SCN4A: variants seen among roughly 807,000 people sequenced by gnomAD.
SCN4A encodes sodium voltage-gated channel alpha subunit 4, also known as sodium channel protein type 4 subunit alpha.
Under a neutral mutation model 162.0 loss-of-function variants are expected in SCN4A, and 83 were observed. That is an observed-to-expected ratio of 0.51 (90% CI 0.43 to 0.61). The LOEUF (loss-of-function observed/expected upper bound fraction) is 0.61. Among genes scored for constraint, SCN4A ranks in the 20% least tolerant of loss-of-function variants. The pLI is 0.00. For missense variants in SCN4A, 2,196 were observed against 2,462.5 expected (o/e 0.89, Z 2.29); for synonymous variants, 944 against 985.1 (o/e 0.96, Z 0.78).
intron 10 of SCN4A, among the ~76,000 whole-genome samples, chr17:63,962,469 T>A (rs73326360): frequency 6.6e-6 from 1 of 152,084 alleles, no homozygotes; most frequent in Non-Finnish European, 1.5e-5. Flanking sequence ...TTTGGCTGTG[T>A]GGAAATATGG....
chr17:63,951,862 GA>G lies in SCN4A; in HGVS notation c.2414del (p.Phe805SerfsTer15). On this transcript the variant is annotated frameshift_variant, in exon 14 of 24. Coordinates refer to ENST00000435607, the MANE Select transcript of SCN4A (RefSeq NM_000334.4). LOFTEE classifies it high-confidence loss of function. The surrounding 1 kb of genome is among the most constrained non-coding windows in gnomAD (Gnocchi z 4.5). ...CCGAGGCTGCCAGACTGTCGGCGCT[GA>G]AGGAGCTCAGCAGCAGAGCCAGGAA... is the stretch of plus-strand genomic sequence containing the variant. Reference protein sequence around the residue: ...NLFLALLLSSFSADSLAASDE... With the variant: ...NLFLALLLSSXSADSLAASDE... The G allele has an allele frequency of 6.4e-7, 1 of 1,555,180 alleles. No homozygotes were observed. Among genetic ancestry groups the G allele is most frequent in the Non-Finnish European group, 8.7e-7 (1 of 1,154,086 alleles).
Position 63,948,036 on chromosome 17 carries a change from G to T in SCN4A, c.3172C>A (p.Arg1058=), listed in dbSNP as rs764018183. The change falls in exon 17 of 24, where the codon CGG becomes AGG. Residue 1058 remains arginine (R), a synonymous_variant. Transcript: ENST00000435607. Reference sequence around the variant, plus strand: ...TCTAGGATGGTGCGAATGACTCGCCGCTGCTCAATGTAGATGTCCTCGAAG... The same window carrying T: ...TCTAGGATGGTGCGAATGACTCGCCTCTGCTCAATGTAGATGTCCTCGAAG... The part of the protein sequence containing the change: ...LAFEDIYIEQ[R]RVIRTILEYA... 6.2e-7 allele frequency: 1 copy of T among 1,610,932 alleles called. No individual in the cohort carries two copies.
At chr17:63,959,102 G>A (rs1909163112) in intron 12 of SCN4A, among the ~76,000 whole-genome samples, 163 bp downstream of exon 12, 1 of 152,164 alleles carries the variant, frequency 6.6e-6, no homozygotes, top group Admixed American at 6.5e-5. Context: ...CTGTTTTACA[G>A]GTAAGAAAGG....
intron 12 of SCN4A, among the ~76,000 whole-genome samples, chr17:63,958,832 C>T (rs183481455): frequency 2.6e-5 from 4 of 152,326 alleles, no homozygotes; most frequent in Admixed American, 2.6e-4. Context: ...GGATTACAGG[C>T]GTGAGCCACC....
intron 21 of SCN4A, 60 bp from the exon 22 acceptor site, chr17:63,943,910 A>C (rs748339281): frequency 9.2e-7 from 1 of 1,090,666 alleles, no homozygotes; most frequent in Non-Finnish European, 1.4e-6. Context: ...CTCCAGGACC[A>C]CCCCCACCTC....
At chr17:63,943,579 A>C (rs1030932777) in intron 22 of SCN4A, among the ~76,000 whole-genome samples, 167 bp downstream of exon 22, 3 of 151,996 alleles carry the variant, frequency 2.0e-5, no homozygotes, top group Non-Finnish European at 2.9e-5. Context: ...CACTACAAAG[A>C]GGCGTCCCTC....
rs376049044 is a variant in SCN4A, at chr17:63,969,651, C to CTT, written c.704-1298_704-1297dup. Among the ~76,000 whole-genome samples the CTT allele has an allele frequency of 2.6e-3, 391 of 150,274 alleles. 4 individuals carry two copies. The highest frequency in any genetic ancestry group is 8.9e-3 in the African/African-American group (361 of 40,758). ...TTCTTACTTTCTTTTCTTTTCTTTT[C>CTT]TTTTTTTTTTGAGATAGAGTCTCGC... On this transcript the variant is annotated intron_variant, in intron 5 of 23. Transcript: ENST00000435607.
intron 13 of SCN4A, among the ~76,000 whole-genome samples, chr17:63,955,648 A>G (rs1240743209): frequency 6.6e-6 from 1 of 152,156 alleles, no homozygotes; most frequent in Non-Finnish European, 1.5e-5. Context: ...CCAAGTCCTT[A>G]GACTTACATC....
Position 63,951,503 on chromosome 17 carries a change from G to A in SCN4A, c.2774C>T (p.Pro925Leu). The A allele has an allele frequency of 6.2e-7, 1 of 1,613,876 alleles. No individual in the cohort carries two copies. The highest frequency in any genetic ancestry group is 8.5e-7 in the Non-Finnish European group (1 of 1,179,792). ...INNPYLTIQVPIASEESDLEM... is the reference protein window; with the variant it reads ...INNPYLTIQVLIASEESDLEM... Reference sequence around the variant, plus strand: ...CAGGTCGGACTCCTCGGAGGCGATGGGCACCTGTATGGTCAGGTAGGGGTT... The same window carrying A: ...CAGGTCGGACTCCTCGGAGGCGATGAGCACCTGTATGGTCAGGTAGGGGTT... The change falls in exon 14 of 24, where the codon CCC (proline) becomes CTC (leucine). Residue 925 changes from proline (P) to leucine (L), a missense_variant. By Grantham distance (98) the Pro-to-Leu change is moderately conservative. Transcript: ENST00000435607. The surrounding 1 kb of genome is among the most constrained non-coding windows in gnomAD (Gnocchi z 4.5).
intron 23 of SCN4A, 21 bp downstream of exon 23, chr17:63,942,805 G>T (rs772939398): frequency 1.2e-5 from 19 of 1,607,678 alleles, no homozygotes; most frequent in Non-Finnish European, 1.6e-5. Flanking sequence ...CTGCCCTGCC[G>T]GTCCAGCCCG....
rs991479196 is a variant in SCN4A at position 63,951,855 on chromosome 17, C to T, written c.2422G>A (p.Asp808Asn). 1.5e-5 allele frequency: 23 copies of T among 1,559,996 alleles called. No individual in the cohort carries two copies. Among genetic ancestry groups the T allele is most frequent in the African/African-American group, 2.7e-5 (2 of 73,932 alleles). The change falls in exon 14 of 24, where the codon GAC becomes AAC. Residue 808 changes from aspartate (D) to asparagine (N), a missense_variant. By Grantham distance (23) the Asp-to-Asn change is conservative. Coordinates refer to ENST00000435607, the MANE Select transcript of SCN4A (RefSeq NM_000334.4). The surrounding 1 kb of genome is among the most constrained non-coding windows in gnomAD (Gnocchi z 4.5). Reference sequence around the variant, plus strand: ...TCCTCATCCGAGGCTGCCAGACTGTCGGCGCTGAAGGAGCTCAGCAGCAGA... The same window carrying T: ...TCCTCATCCGAGGCTGCCAGACTGTTGGCGCTGAAGGAGCTCAGCAGCAGA... Reference protein sequence around the residue: ...LALLLSSFSADSLAASDEDGE... With the variant: ...LALLLSSFSANSLAASDEDGE...
Position 63,945,323 on chromosome 17 carries a change from A to C in SCN4A, c.3720+37T>G. 1 of 1,579,956 alleles carries C rather than the reference A, an allele frequency of 6.3e-7. No individual in the cohort carries two copies. The highest frequency in any genetic ancestry group is 8.7e-7 in the Non-Finnish European group (1 of 1,155,054). On this transcript the variant is annotated intron_variant, in intron 19 of 23. Transcript: ENST00000435607. The surrounding 1 kb of genome is among the most constrained non-coding windows in gnomAD (Gnocchi z 4.4). The stretch of plus-strand genomic sequence containing the variant: ...GAGGACCGGGGTGGGGGGCACCTCC[A>C]TCCAGGTTCCCGGCAGGGGTGGTGG...
Position 63,938,567 on chromosome 17 carries a change from G to C in SCN4A, c.*2204C>G, listed in dbSNP as rs1357368349. ...AGAAGCCACATACCAGAGGCACCAA[G>C]GAGGGTTTATTGTAAGAACTGTACA... On this transcript the variant is annotated 3_prime_UTR_variant, in exon 24 of 24. Coordinates refer to ENST00000435607, the MANE Select transcript of SCN4A (RefSeq NM_000334.4). 3.3e-5 allele frequency: 5 copies of C among 152,568 alleles called. No individual in the cohort carries two copies. The highest frequency in any genetic ancestry group is 9.6e-5 in the African/African-American group (4 of 41,482). The allele number at this position is 152,568 out of a possible 1,614,324, so 9.5% of individuals were successfully genotyped here. A position where few individuals can be genotyped will look rare whatever the true frequency, so the allele number is the denominator to read the frequency against.
chr17:63,948,855 C>G, intron 15 of SCN4A, 90 bp from the exon 16 acceptor site: 1 of 1,214,368 alleles, frequency 8.2e-7, no homozygotes, highest in Non-Finnish European at 1.1e-6. Flanking sequence ...CCATGGCATC[C>G]CAGGATGCCC....
intron 21 of SCN4A, 136 bp from the exon 22 acceptor site, chr17:63,943,986 T>G (rs969234272): frequency 4.8e-6 from 3 of 628,190 alleles, no homozygotes; most frequent in Non-Finnish European, 5.8e-6. Context: ...AGCGGGAGGG[T>G]CAGAGATGGA....
chr17:63,967,669 A>T (rs1567827715), intron 6 of SCN4A, among the ~76,000 whole-genome samples: 2 of 150,810 alleles, frequency 1.3e-5, no homozygotes, highest in Non-Finnish European at 2.9e-5. Context: ...GCGGTGGCTC[A>T]CGCCTGTAAT....
At chr17:63,966,741 C>G (rs997125927) in intron 6 of SCN4A, among the ~76,000 whole-genome samples, 197 bp from the exon 7 acceptor site, 1 of 152,190 alleles carries the variant, frequency 6.6e-6, no homozygotes, top group Non-Finnish European at 1.5e-5. Context: ...GCAGGGAGCT[C>G]AGCTTGAGCC....
At position 63,949,421 on chromosome 17, in the gene SCN4A, C is replaced by A. The variant is rs1447182115; in HGVS notation, c.2961G>T (p.Gly987=). The change falls in exon 15 of 24, where the codon GGG becomes GGT. Residue 987 remains glycine (G), a synonymous_variant. Coordinates refer to ENST00000435607, the MANE Select transcript of SCN4A (RefSeq NM_000334.4). ...CAGTGAAGCACTCCTCAGGCTGCTCCCCCTCGGGGTTCTCCTCTGCCTGCT... is the reference window on the plus strand; with the variant it reads ...CAGTGAAGCACTCCTCAGGCTGCTCACCCTCGGGGTTCTCCTCTGCCTGCT... The part of the protein sequence containing the change: ...PEEQAEENPE[G]EQPEECFTEA... The A allele has an allele frequency of 1.9e-6, 3 of 1,593,342 alleles. No homozygotes were observed. The highest frequency in any genetic ancestry group is 1.3e-5 in the African/African-American group (1 of 74,510).
chr17:63,969,049 G>C (rs1027419441), intron 5 of SCN4A, among the ~76,000 whole-genome samples: 3 of 151,982 alleles, frequency 2.0e-5, no homozygotes, highest in Non-Finnish European at 2.9e-5. Flanking sequence ...CGCTATGTTG[G>C]ACAGGCTGGT....
Sources: gnomAD v4.1 joint callset for allele counts (sites outside exome capture counted in the v4.1 genomes callset) on GRCh38, gnomAD v4.1.1 for gene constraint, Gnocchi (gnomAD v3.1) non-coding constraint, MANE v1.5 for transcripts, NCBI Gene and HGNC (gene_info 2026-07-23, HGNC 2026-07-21) for gene names.